RANBP2: variants seen among roughly 807,000 people sequenced by gnomAD.
The protein encoded by RANBP2 is RAN binding protein 2, also known as E3 SUMO-protein ligase RanBP2.
A neutral mutation model predicts 303.6 loss-of-function variants in RANBP2; 57 were observed. The observed-to-expected ratio is 0.19, with a 90% CI of 0.15 to 0.23. RANBP2 has a LOEUF of 0.23. RANBP2 is among the 10% of genes least tolerant of loss of function. The probability of loss-of-function intolerance (pLI) is 1.00; values close to 1 mark genes in which losing one functional copy is unlikely to be tolerated. For synonymous variants in RANBP2, 1,167 were observed against 1,301.5 expected (o/e 0.90, Z 2.23); for missense variants, 3,138 against 3,780.8 (o/e 0.83, Z 4.46).
the RANBP2 span, among the ~76,000 whole-genome samples, chr2:109,078,449 T>C: frequency 6.8e-6 from 1 of 147,860 alleles, no homozygotes; most frequent in East Asian, 2.0e-4. Context: ...GTAGAGTCAA[T>C]AAAAGATGAA....
chr2:109,235,992 G>A, the RANBP2 span, among the ~76,000 whole-genome samples: 3 of 152,032 alleles, frequency 2.0e-5, no homozygotes, highest in Non-Finnish European at 4.4e-5. Context: ...TTAAGAGGCT[G>A]TGGGGTTGGT....
At chr2:109,312,228 G>A in the RANBP2 span, among the ~76,000 whole-genome samples, 55 of 152,246 alleles carry the variant, frequency 3.6e-4, no homozygotes, top group African/African-American at 1.1e-3. Context: ...AAACACACAA[G>A]GCCAGAGGGA....
At chr2:108,863,904 A>G in the RANBP2 span, among the ~76,000 whole-genome samples, 4 of 152,228 alleles carry the variant, frequency 2.6e-5, no homozygotes, top group African/African-American at 7.2e-5. Flanking sequence ...TATATTTGCT[A>G]CTGGTCTCTG....
At chr2:109,508,640 A>G in the RANBP2 span, among the ~76,000 whole-genome samples, 1 of 152,144 alleles carries the variant, frequency 6.6e-6, no homozygotes, top group South Asian at 2.1e-4. Flanking sequence ...AAAAAAAAAA[A>G]TGGAAGCAGA....
At chr2:108,923,457 C>T in the RANBP2 span, 97,683 of 1,613,166 alleles carry the variant, frequency 0.061, 3,762 homozygotes, top group African/African-American at 0.14. Flanking sequence ...GTAGTAGCTA[C>T]GGGGGAGAGA....
the RANBP2 span, among the ~76,000 whole-genome samples, chr2:109,588,656 A>T: frequency 6.6e-6 from 1 of 151,920 alleles, no homozygotes; most frequent in Non-Finnish European, 1.5e-5. Flanking sequence ...ACGCCTGGCT[A>T]ATTTTTGTAT....
the RANBP2 span, among the ~76,000 whole-genome samples, chr2:108,808,771 T>G: frequency 6.6e-6 from 1 of 152,232 alleles, no homozygotes; most frequent in Non-Finnish European, 1.5e-5. Flanking sequence ...ATGAATAGTT[T>G]GCATATATTT....
the RANBP2 span, among the ~76,000 whole-genome samples, chr2:109,372,839 G>A: frequency 7.4e-3 from 1,133 of 152,290 alleles, 15 homozygotes; most frequent in African/African-American, 0.026. Flanking sequence ...GAAAGCCCAC[G>A]GGTGACACGG....
the RANBP2 span, among the ~76,000 whole-genome samples, chr2:109,354,653 G>A: frequency 6.6e-6 from 1 of 152,250 alleles, no homozygotes; most frequent in East Asian, 1.9e-4. Context: ...TGCCTTTGTA[G>A]TGGTGTCAAA....
At chr2:109,278,282 C>T in the RANBP2 span, among the ~76,000 whole-genome samples, 1 of 152,192 alleles carries the variant, frequency 6.6e-6, no homozygotes, top group Non-Finnish European at 1.5e-5. Flanking sequence ...TCGGCAGGGC[C>T]CCGTGCTTCA....
At chr2:109,572,132 CT>C in the RANBP2 span, among the ~76,000 whole-genome samples, 39 of 151,316 alleles carry the variant, frequency 2.6e-4, no homozygotes, top group East Asian at 1.4e-3. Context: ...CTCCCCACCT[CT>C]TTTTTTTTGT....
the RANBP2 span, among the ~76,000 whole-genome samples, chr2:109,020,735 T>C: frequency 1.3e-5 from 2 of 152,220 alleles, no homozygotes; most frequent in African/African-American, 4.8e-5. Context: ...TGGTTTATAA[T>C]AGCGACATCA....
chr2:108,828,746 A>C, the RANBP2 span, among the ~76,000 whole-genome samples: 2 of 152,186 alleles, frequency 1.3e-5, no homozygotes, highest in Admixed American at 1.3e-4. Context: ...TGGGAGGCTG[A>C]GGTGGACAGA....
chr2:109,503,173 A>G, the RANBP2 span: 1 of 152,218 alleles, frequency 6.6e-6, no homozygotes, highest in South Asian at 2.1e-4. Context: ...ACACATTTTT[A>G]TCACCTCAAA....
At chr2:109,180,532 T>A in the RANBP2 span, among the ~76,000 whole-genome samples, 2 of 152,200 alleles carry the variant, frequency 1.3e-5, no homozygotes, top group African/African-American at 2.4e-5. Flanking sequence ...TCCCACGTGT[T>A]GTGGGAGGGA....
chr2:109,287,938 T>C, the RANBP2 span, among the ~76,000 whole-genome samples: 1 of 152,238 alleles, frequency 6.6e-6, no homozygotes, highest in Admixed American at 6.5e-5. Flanking sequence ...GACCTGCCTG[T>C]TCAAATAAGC....
downstream of RANBP2, among the ~76,000 whole-genome samples, chr2:108,786,304 A>C (rs1678699021): frequency 6.8e-6 from 1 of 148,136 alleles, no homozygotes; most frequent in Non-Finnish European, 1.5e-5. Flanking sequence ...TATGTTACCC[A>C]AGATAGATGT....
the RANBP2 span, among the ~76,000 whole-genome samples, chr2:109,039,647 C>A: frequency 1.3e-5 from 2 of 152,164 alleles, no homozygotes; most frequent in Non-Finnish European, 2.9e-5. Context: ...CTGTGCCCGG[C>A]CTTCAGATGT....
chr2:109,324,350 CT>C, the RANBP2 span, among the ~76,000 whole-genome samples: 97 of 152,238 alleles, frequency 6.4e-4, no homozygotes, highest in Middle Eastern at 3.4e-3. Flanking sequence ...TCTCTTTAAC[CT>C]TCTGAGGGGC....
Sources: gnomAD v4.1 joint callset for allele counts (sites outside exome capture counted in the v4.1 genomes callset) on GRCh38, gnomAD v4.1.1 for gene constraint, MANE v1.5 for transcripts, NCBI Gene and HGNC (gene_info 2026-07-23, HGNC 2026-07-21) for gene names.